Variants in RSBN1 observed in about 807,000 individuals in gnomAD.
RSBN1 encodes the protein round spermatid basic protein 1, also known as lysine-specific demethylase 9.
A neutral mutation model predicts 74.8 loss-of-function variants in RSBN1; 23 were observed. The observed-to-expected ratio is 0.31, with a 90% CI of 0.22 to 0.44. The LOEUF is 0.44. Among genes scored for constraint, RSBN1 ranks in the 20% least tolerant of loss-of-function variants. The pLI is 1.00. For synonymous variants in RSBN1, 407 were observed against 379.6 expected, an observed-to-expected ratio of 1.07 and a Z score of -0.84; for missense variants, 808 against 1,020.9, an observed-to-expected ratio of 0.79 and a Z score of 2.84.
At chr1:113,793,868 C>T (rs1660418651) in intron 2 of RSBN1, among the ~76,000 whole-genome samples, 2 of 151,966 alleles carry the variant, frequency 1.3e-5, no homozygotes, top group Non-Finnish European at 2.9e-5. Flanking sequence ...GGTTTCACCA[C>T]TTTGACCAGG....
chr1:113,799,035 C>G (rs1393709203), intron 1 of RSBN1, among the ~76,000 whole-genome samples: 1 of 152,174 alleles, frequency 6.6e-6, no homozygotes, highest in Non-Finnish European at 1.5e-5. Flanking sequence ...TACACCCTCC[C>G]CTAGACTGTC....
intron 1 of RSBN1, among the ~76,000 whole-genome samples, chr1:113,799,565 TACACACACACACAC>T (rs66958734): frequency 0.024 from 3,366 of 142,070 alleles, 50 homozygotes; most frequent in African/African-American, 0.033. Context: ...ATAGATGCTT[TACACACACACACAC>T]ACACACACAC....
intron 1 of RSBN1, among the ~76,000 whole-genome samples, chr1:113,809,006 G>A (rs183417182): frequency 7.4e-4 from 113 of 151,842 alleles, no homozygotes; most frequent in Admixed American, 3.0e-3. Context: ...AAAAGGTAAG[G>A]ACTTGACTAT....
At position 113,777,455 on chromosome 1, in the gene RSBN1, T is replaced by C; in HGVS notation, c.1516-103A>G. 3 of 1,145,490 alleles carry C rather than the reference T, an allele frequency of 2.6e-6. No homozygotes were observed. In the South Asian group the frequency reaches 5.5e-5, roughly 21 times the overall value. 71.0% of individuals were successfully genotyped at this position (1,145,490 alleles called of 1,614,324 possible). A position where few individuals can be genotyped will look rare whatever the true frequency, so the allele number is the denominator to read the frequency against. On this transcript the variant is annotated intron_variant, in intron 3 of 6. Coordinates refer to ENST00000261441, the MANE Select transcript of RSBN1 (RefSeq NM_018364.5). ...TTCTAAGAAGGCTTTTTTACAACTG[T>C]ATATAAAGAAATAAATGCTATTTAC...
chr1:113,770,334 T>C (rs1659864779), intron 4 of RSBN1, among the ~76,000 whole-genome samples: 1 of 152,186 alleles, frequency 6.6e-6, no homozygotes, highest in Non-Finnish European at 1.5e-5. Flanking sequence ...CAAGAGAATG[T>C]TAGAACAGAG....
Position 113,766,432 on chromosome 1 carries a change from C to A in RSBN1, c.1957G>T (p.Ala653Ser), listed in dbSNP as rs1282554159. The A allele has an allele frequency of 1.9e-6, 3 of 1,612,958 alleles. No individual in the cohort carries two copies. In the Admixed American group the frequency reaches 5.0e-5, roughly 27 times the overall value. The change falls in exon 7 of 7, where the codon GCT (alanine) becomes TCT (serine). Residue 653 changes from alanine (A) to serine (S), a missense_variant. Physicochemically the swap from Ala to Ser is moderately conservative, Grantham distance 99 (BLOSUM62 1). Around this residue, in one of 6 missense-constraint regions of RSBN1, gnomAD observed 38 missense variants for 120.6 expected, o/e 0.32. Transcript: ENST00000261441. ...VSQCVQWVDE[A>S]KLNQMRREGI... is the part of the protein sequence containing the mutation. ...TCCCGCCTCATTTGGTTTAGTTTAG[C>A]TTCATCTACCCACTGTACGCACTGA... is the stretch of plus-strand genomic sequence containing the variant.
chr1:113,783,426 G>A (rs548420646), intron 2 of RSBN1, among the ~76,000 whole-genome samples: 1 of 150,530 alleles, frequency 6.6e-6, no homozygotes, highest in South Asian at 2.1e-4. Context: ...AATTCAACAT[G>A]CACCAACTTT....
In RSBN1 at chr1:113,797,473, G is replaced by C; in HGVS notation, c.1267C>G (p.Pro423Ala). 1 of 1,614,030 alleles carries C rather than the reference G, an allele frequency of 6.2e-7. No homozygotes were observed. The highest frequency in any genetic ancestry group is 8.5e-7 in the Non-Finnish European group (1 of 1,179,984). Residue 423 changes from proline to alanine, a missense_variant, in exon 2 of 7, where the codon CCA (proline) becomes GCA (alanine). Coordinates refer to ENST00000261441, the MANE Select transcript of RSBN1 (RefSeq NM_018364.5). ...AIVHGAAAYLPDFLDYFAFNF... is the reference protein window; with the variant it reads ...AIVHGAAAYLADFLDYFAFNF... ...AAAGCAAAGTAGTCCAAGAAGTCTG[G>C]GAGATAAGCAGCCGCTCCATGCACT...
intron 6 of RSBN1, 92 bp from the exon 7 acceptor site, chr1:113,766,545 T>A: frequency 1.3e-6 from 1 of 798,858 alleles, no homozygotes; most frequent in Non-Finnish European, 2.0e-6. Context: ...AGAAACAAAA[T>A]GTGTCATAAC....
intron 4 of RSBN1, among the ~76,000 whole-genome samples, chr1:113,775,193 T>A (rs1224770940): frequency 1.3e-5 from 2 of 151,520 alleles, no homozygotes; most frequent in East Asian, 3.9e-4. Context: ...CCCAGCTAAT[T>A]TTTGTATTTT....
At chr1:113,775,945 T>C (rs1443121931) in intron 4 of RSBN1, among the ~76,000 whole-genome samples, 1 of 152,230 alleles carries the variant, frequency 6.6e-6, no homozygotes, top group African/African-American at 2.4e-5. Flanking sequence ...CATTCTCCTA[T>C]GAGCCTTAAG....
At position 113,764,531 on chromosome 1, in the gene RSBN1, T is replaced by C. The variant is rs1356083484; in HGVS notation, c.*1449A>G. ...ATATAAGATTTAACCTATTTCAGAA[T>C]ATTTTAGAGAAAATTCATATTTGAT... On this transcript the variant is annotated 3_prime_UTR_variant, in exon 7 of 7. Transcript: ENST00000261441. 6.6e-6 allele frequency: 1 copy of C among 152,402 alleles called. No homozygotes were observed. Among genetic ancestry groups the C allele is most frequent in the Non-Finnish European group, 1.5e-5 (1 of 67,970 alleles). The allele number at this position is 152,402 out of a possible 1,614,324, so 9.4% of individuals were successfully genotyped here. A position where few individuals can be genotyped will look rare whatever the true frequency, so the allele number is the denominator to read the frequency against.
chr1:113,773,125 A>G (rs1659913976), intron 4 of RSBN1, among the ~76,000 whole-genome samples: 1 of 152,198 alleles, frequency 6.6e-6, no homozygotes, highest in South Asian at 2.1e-4. Context: ...TATATATGGG[A>G]TTTTTACAAA....
chr1:113,774,832 G>A (rs1385556249), intron 4 of RSBN1, among the ~76,000 whole-genome samples: 3 of 152,140 alleles, frequency 2.0e-5, no homozygotes, highest in Non-Finnish European at 4.4e-5. Context: ...TCCAGCCTAG[G>A]TGACAGAGTA....
intron 4 of RSBN1, among the ~76,000 whole-genome samples, chr1:113,772,834 C>T (rs1659909107): frequency 6.6e-6 from 1 of 152,152 alleles, no homozygotes; most frequent in African/African-American, 2.4e-5. Context: ...GCCTAACTAC[C>T]TGGAAAAACA....
At chr1:113,804,985 T>C (rs12064048) in intron 1 of RSBN1, among the ~76,000 whole-genome samples, 1,974 of 152,014 alleles carry the variant, frequency 0.013, 17 homozygotes, top group Middle Eastern at 0.017. Context: ...TGTAATGACA[T>C]TGGAGAAGAC....
At position 113,765,265 on chromosome 1, in the gene RSBN1, T is replaced by C. The variant is rs1400856269; in HGVS notation, c.*715A>G. 6.6e-6 allele frequency: 1 copy of C among 152,198 alleles called. No individual in the cohort carries two copies. The highest frequency in any genetic ancestry group is 1.5e-5 in the Non-Finnish European group (1 of 67,962). 9.4% of individuals were successfully genotyped at this position (152,198 alleles called of 1,614,324 possible). On this transcript the variant is annotated 3_prime_UTR_variant, in exon 7 of 7. Transcript: ENST00000261441. ...CCCAAAATATCTTCAACAGTTAGCATATATTCTAGAAGAGATTAATGAGCC... is the reference window on the plus strand; with the variant it reads ...CCCAAAATATCTTCAACAGTTAGCACATATTCTAGAAGAGATTAATGAGCC...
chr1:113,792,538 AT>A (rs1660387441), intron 2 of RSBN1, among the ~76,000 whole-genome samples: 1 of 152,224 alleles, frequency 6.6e-6, no homozygotes, highest in African/African-American at 2.4e-5. Flanking sequence ...CTCTGGCTCT[AT>A]AAAAAAATTT....
chr1:113,798,576 C>A (rs562270679), intron 1 of RSBN1, among the ~76,000 whole-genome samples: 2 of 152,134 alleles, frequency 1.3e-5, no homozygotes, highest in South Asian at 2.1e-4. Flanking sequence ...TTCTCAACTA[C>A]TACTGCTGGA....
Sources: gnomAD v4.1 joint callset for allele counts (sites outside exome capture counted in the v4.1 genomes callset) on GRCh38, gnomAD v4.1.1 for gene constraint, gnomAD v4.1.1 regional missense constraint, MANE v1.5 for transcripts, NCBI Gene and HGNC (gene_info 2026-07-23, HGNC 2026-07-21) for gene names.